The following RIC3 variants were observed in gnomAD, a reference collection of about 807,000 sequenced individuals.
The protein encoded by RIC3 is RIC3 acetylcholine receptor chaperone.
A neutral mutation model predicts 27.3 loss-of-function variants in RIC3; 28 were observed. That is an observed-to-expected ratio of 1.02 (90% CI 0.76 to 1.41). The LOEUF is 1.41. RIC3 is among the 40% of genes most tolerant of loss of function. The pLI, the probability that RIC3 is intolerant of heterozygous loss-of-function variation, is 0.00. For synonymous variants in RIC3, 184 were observed against 160.4 expected (o/e 1.15, Z -1.11); for missense variants, 501 against 444.7 (o/e 1.13, Z -1.14).
chr11:8,167,758 T>C (rs535658749), intron 1 of RIC3, among the ~76,000 whole-genome samples: 93 of 152,188 alleles, frequency 6.1e-4, no homozygotes, highest in Non-Finnish European at 2.4e-4. Context: ...TTTGGGATTA[T>C]TGCAATAAGA....
In RIC3 at chr11:8,144,972, T is replaced by C. The variant is rs1368407267; in HGVS notation, c.125-4779A>G. On this transcript the variant is annotated intron_variant, in intron 1 of 5. Coordinates refer to ENST00000309737, the MANE Select transcript of RIC3 (RefSeq NM_001206671.4). ...GCATATTCTCACTCATAGGTGGGAA[T>C]TGAACAATGAGATCACATGGACACA... 3.0e-3 allele frequency among the ~76,000 whole-genome samples: 376 copies of C among 125,768 alleles called. 3 individuals are homozygous for C. The highest frequency in any genetic ancestry group is 0.011 in the African/African-American group (361 of 32,564). The allele number at this position is 125,768 out of a possible 152,430, so 82.5% of individuals were successfully genotyped here.
At chr11:8,118,224 C>CAAAAAA (rs989594446) in intron 5 of RIC3, among the ~76,000 whole-genome samples, 1 of 46,016 alleles carries the variant, frequency 2.2e-5, no homozygotes, top group African/African-American at 7.0e-5. Flanking sequence ...GGTTCCATCT[C>CAAAAAA]AAAAAAAAAA....
chr11:8,115,524 T>C (rs930345099), intron 5 of RIC3, among the ~76,000 whole-genome samples: 1 of 151,944 alleles, frequency 6.6e-6, no homozygotes, highest in Non-Finnish European at 1.5e-5. Flanking sequence ...TATGAAAGTA[T>C]AGGCTAGGTG....
chr11:8,095,342 G>C, the RIC3 span, among the ~76,000 whole-genome samples: 5 of 152,206 alleles, frequency 3.3e-5, no homozygotes, highest in Admixed American at 6.5e-5. Flanking sequence ...TTGTTAACAG[G>C]CTGGTGCAAT....
chr11:8,097,306 C>G, the RIC3 span: 7 of 1,614,180 alleles, frequency 4.3e-6, no homozygotes, highest in East Asian at 1.6e-4. Flanking sequence ...GGAGTTTGCA[C>G]TGAGGCCGGC....
At chr11:8,099,024 G>C in the RIC3 span, 1 of 666,628 alleles carries the variant, frequency 1.5e-6, no homozygotes, top group South Asian at 1.8e-5. Flanking sequence ...TCCTGGCCTA[G>C]GACAGGGGCT....
At chr11:8,134,247 T>C (rs1464904133) in intron 4 of RIC3, among the ~76,000 whole-genome samples, 1 of 152,176 alleles carries the variant, frequency 6.6e-6, no homozygotes, top group Non-Finnish European at 1.5e-5. Flanking sequence ...CATGCGGTGT[T>C]TGGTTTTTTA....
chr11:8,102,167 C>G (rs922468208), downstream of RIC3: 1 of 152,700 alleles, frequency 6.5e-6, no homozygotes, highest in African/African-American at 2.4e-5. Context: ...GAAGGCCTCA[C>G]TCAAGCCTGA....
chr11:8,101,850 T>TACGGCG, downstream of RIC3: 1 of 482,836 alleles, frequency 2.1e-6, no homozygotes, highest in Non-Finnish European at 3.4e-6. Context: ...GAATAATTCT[T>TACGGCG]TCCATGCCAC....
At chr11:8,123,587 T>C (rs1946696134) in intron 5 of RIC3, among the ~76,000 whole-genome samples, 1 of 152,172 alleles carries the variant, frequency 6.6e-6, no homozygotes, top group Non-Finnish European at 1.5e-5. Context: ...TAGACTATAT[T>C]ATGAACAACT....
At chr11:8,134,242 G>A (rs1042030492) in intron 4 of RIC3, among the ~76,000 whole-genome samples, 23 of 152,170 alleles carry the variant, frequency 1.5e-4, no homozygotes, top group East Asian at 9.7e-4. Flanking sequence ...GAGAACATGC[G>A]GTGTTTGGTT....
At chr11:8,100,533 CGG>C in the RIC3 span, 1 of 1,614,090 alleles carries the variant, frequency 6.2e-7, no homozygotes, top group Non-Finnish European at 8.5e-7. Context: ...CAAGGGGCCT[CGG>C]AAGATGAGCG....
chr11:8,151,606 T>C (rs779673292), intron 1 of RIC3, among the ~76,000 whole-genome samples: 7 of 99,754 alleles, frequency 7.0e-5, no homozygotes, highest in South Asian at 3.5e-4. Flanking sequence ...AAAAGACAAA[T>C]AAACCAAGTA....
intron 4 of RIC3, among the ~76,000 whole-genome samples, chr11:8,127,502 T>A (rs182961074): frequency 2.0e-5 from 3 of 152,230 alleles, no homozygotes; most frequent in Non-Finnish European, 2.9e-5. Context: ...AAGTTCCACA[T>A]TTTGGAAAAC....
chr11:8,134,715 G>A (rs1490771076), intron 4 of RIC3, among the ~76,000 whole-genome samples: 1 of 152,076 alleles, frequency 6.6e-6, no homozygotes, highest in East Asian at 1.9e-4. Flanking sequence ...GTATCTCACT[G>A]TGGTTTTGAT....
At chr11:8,150,190 G>C (rs565277630) in intron 1 of RIC3, among the ~76,000 whole-genome samples, 17 of 152,246 alleles carry the variant, frequency 1.1e-4, no homozygotes, top group Non-Finnish European at 1.9e-4. Flanking sequence ...TTTTGCTTCT[G>C]GCTGGAGGCT....
intron 1 of RIC3, among the ~76,000 whole-genome samples, chr11:8,144,881 G>C (rs1347006861): frequency 2.0e-5 from 3 of 151,372 alleles, no homozygotes; most frequent in Non-Finnish European, 4.4e-5. Flanking sequence ...TCCTTTGTAG[G>C]GACATGGATG....
chr11:8,140,827 G>C (rs1001777203), intron 1 of RIC3, among the ~76,000 whole-genome samples: 1 of 151,972 alleles, frequency 6.6e-6, no homozygotes, highest in Non-Finnish European at 1.5e-5. Flanking sequence ...ACTAACAGCG[G>C]ATCTCTCGGC....
chr11:8,126,799 T>C lies in RIC3; in HGVS notation c.530A>G (p.Gln177Arg). 1 of 1,614,140 alleles carries C rather than the reference T, an allele frequency of 6.2e-7. No individual in the cohort carries two copies. The highest frequency in any genetic ancestry group is 8.5e-7 in the Non-Finnish European group (1 of 1,180,028). ...TTTCTCTTGGTCAGAAGTCACAGTC[T>C]GTGCTCTGCTTAGAAATATCAGACA... ...RVGPNGESRA[Q>R]TVTSDQEKRL... The change falls in exon 5 of 6, where the codon CAG becomes CGG. Residue 177 changes from glutamine to arginine, a missense_variant. Coordinates refer to ENST00000309737, the MANE Select transcript of RIC3 (RefSeq NM_001206671.4).
Sources: allele counts gnomAD v4.1 joint callset (sites outside exome capture counted in the v4.1 genomes callset), GRCh38; gene constraint gnomAD v4.1.1; transcripts MANE v1.5; gene names NCBI Gene and HGNC (gene_info 2026-07-23, HGNC 2026-07-21).